Variants in CSMD1 observed in about 807,000 individuals in gnomAD.
CSMD1 encodes CUB and sushi domain-containing protein 1.
A neutral mutation model predicts 417.5 loss-of-function variants in CSMD1; 213 were observed. That is an observed-to-expected ratio of 0.51 (90% CI 0.46 to 0.57). The LOEUF is 0.57. CSMD1 is among the 20% of genes least tolerant of loss of function. The probability of loss-of-function intolerance (pLI) is 0.00; values close to 1 mark genes in which losing one functional copy is unlikely to be tolerated. For missense variants in CSMD1, 6,923 were observed against 4,529.7 expected (o/e 1.53, Z -15.17); for synonymous variants, 2,862 against 1,736.8 (o/e 1.65, Z -16.11).
intron 5 of CSMD1, among the ~76,000 whole-genome samples, chr8:3,945,677 G>T (rs1030663670): frequency 6.6e-6 from 1 of 152,010 alleles, no homozygotes; most frequent in African/African-American, 2.4e-5. Context: ...GTGAAATGAC[G>T]ACAGTCCAGA....
At chr8:4,030,315 C>G (rs1162146512) in intron 4 of CSMD1, among the ~76,000 whole-genome samples, 1 of 152,240 alleles carries the variant, frequency 6.6e-6, no homozygotes, top group Non-Finnish European at 1.5e-5. Flanking sequence ...AAACTTCTAT[C>G]TGGACATCTA....
At position 4,800,696 on chromosome 8, in the gene CSMD1, T is replaced by C. The variant is rs896334153; in HGVS notation, c.86-163138A>G. Among the ~76,000 whole-genome samples the C allele has an allele frequency of 2.0e-5, 3 of 152,146 alleles. No homozygotes were observed. The East Asian group carries it at 5.8e-4, about 30-fold the overall frequency. ...CCAGGTCAGCTACGTTGGGCTAAGT[T>C]CTGCAGCAACCCTCATTCCAGAGCT... On this transcript the variant is annotated intron_variant, in intron 1 of 69. Transcript: ENST00000635120.
chr8:4,905,485 C>G (rs990721141), intron 1 of CSMD1, among the ~76,000 whole-genome samples: 6 of 152,064 alleles, frequency 3.9e-5, no homozygotes, highest in African/African-American at 9.7e-5. Context: ...ACAGGACACA[C>G]ATTATTTCCA....
chr8:3,523,867 T>A (rs1365290550), intron 10 of CSMD1, among the ~76,000 whole-genome samples: 4 of 72,324 alleles, frequency 5.5e-5, no homozygotes, highest in East Asian at 4.3e-4. Flanking sequence ...ATGCACACAC[T>A]TACACATGCA....
chr8:3,172,818 AC>A (rs1430773482), intron 37 of CSMD1, among the ~76,000 whole-genome samples: 1 of 152,072 alleles, frequency 6.6e-6, no homozygotes, highest in East Asian at 1.9e-4. Context: ...TTCCATTGAA[AC>A]CCTTTCCCAC....
intron 4 of CSMD1, among the ~76,000 whole-genome samples, chr8:4,008,086 G>A (rs1448374370): frequency 6.6e-6 from 1 of 152,062 alleles, no homozygotes; most frequent in Non-Finnish European, 1.5e-5. Context: ...TTTTTTCTTT[G>A]TTTTTAAACT....
intron 3 of CSMD1, among the ~76,000 whole-genome samples, chr8:4,050,979 G>A (rs1470012061): frequency 1.3e-5 from 2 of 152,078 alleles, no homozygotes; most frequent in African/African-American, 4.8e-5. Flanking sequence ...TGCAGATGGA[G>A]GAGGAGTGAC....
intron 3 of CSMD1, among the ~76,000 whole-genome samples, chr8:4,042,721 A>G (rs1313563585): frequency 1.3e-5 from 2 of 151,250 alleles, no homozygotes; most frequent in East Asian, 3.9e-4. Flanking sequence ...TAGAAGTGAC[A>G]GAAATGACAG....
At position 3,856,501 on chromosome 8, in the gene CSMD1, C is replaced by T. The variant is rs946689685; in HGVS notation, c.819-102459G>A. Among the ~76,000 whole-genome samples, 9 of 152,196 alleles carry T rather than the reference C, an allele frequency of 5.9e-5. No individual in the cohort carries two copies. In the East Asian group the frequency reaches 9.6e-4, roughly 16 times the overall value. ...TCTTAATTGGTGAGGAGGAGAACTG[C>T]ATGAGGATCAAATGGAAATCACGTA... On this transcript the variant is annotated intron_variant, in intron 5 of 69. Coordinates refer to ENST00000635120, the MANE Select transcript of CSMD1 (RefSeq NM_033225.6).
rs549602507 is a variant in CSMD1, at chr8:4,327,378, G to T, written c.415+92575C>A. Among the ~76,000 whole-genome samples the T allele has an allele frequency of 2.2e-4, 33 of 152,234 alleles. 1 individual carries two copies. In the South Asian group the frequency reaches 6.4e-3, roughly 30 times the overall value. On this transcript the variant is annotated intron_variant, in intron 3 of 69. Coordinates refer to ENST00000635120, the MANE Select transcript of CSMD1 (RefSeq NM_033225.6). ...TTAAAAGAAAGGTTAATGAAAATGG[G>T]GAGACTCTGCTAATGTATTTCCTTG...
At chr8:3,946,614 G>A (rs1046493351) in intron 5 of CSMD1, among the ~76,000 whole-genome samples, 1 of 152,080 alleles carries the variant, frequency 6.6e-6, no homozygotes, top group Non-Finnish European at 1.5e-5. Context: ...GACTGGAATT[G>A]TGTTGATCCT....
At chr8:4,904,471 A>G (rs1409088358) in intron 1 of CSMD1, among the ~76,000 whole-genome samples, 1 of 152,240 alleles carries the variant, frequency 6.6e-6, no homozygotes. Flanking sequence ...TTCAAAGTCA[A>G]ACAGCTGGTA....
chr8:4,484,914 AG>A (rs1213705933), intron 2 of CSMD1, among the ~76,000 whole-genome samples: 1 of 134,180 alleles, frequency 7.5e-6, no homozygotes. Flanking sequence ...CAGAGGTTGC[AG>A]TGAGCCGAGA....
chr8:4,288,107 C>G (rs1272889242), intron 3 of CSMD1, among the ~76,000 whole-genome samples: 1 of 152,116 alleles, frequency 6.6e-6, no homozygotes, highest in Non-Finnish European at 1.5e-5. Flanking sequence ...ACTTATTTTG[C>G]TAGCCATGCT....
At chr8:4,115,461 T>C (rs1027534044) in intron 3 of CSMD1, among the ~76,000 whole-genome samples, 1 of 152,344 alleles carries the variant, frequency 6.6e-6, no homozygotes, top group African/African-American at 2.4e-5. Flanking sequence ...TGCCTGTGTT[T>C]TTATATATAA....
chr8:3,101,363 T>C (rs1290008631), intron 46 of CSMD1, among the ~76,000 whole-genome samples: 2 of 152,230 alleles, frequency 1.3e-5, no homozygotes, highest in East Asian at 3.9e-4. Flanking sequence ...CTGTGATGTC[T>C]CTTACTCAGG....
chr8:4,159,981 G>C (rs1027502478), intron 3 of CSMD1, among the ~76,000 whole-genome samples: 1 of 151,860 alleles, frequency 6.6e-6, no homozygotes, highest in Non-Finnish European at 1.5e-5. Flanking sequence ...CTACCAATTG[G>C]GTTCAATGTA....
rs74560175 is a variant in CSMD1, at chr8:3,555,622, A to G, written c.1344+19323T>C. On this transcript the variant is annotated intron_variant, in intron 10 of 69. Transcript: ENST00000635120. Reference sequence around the variant, plus strand: ...ATTCTACAGAACAAACTTATTTTACATATAAATTTAAAGTAAATATGGAAG... The same window carrying G: ...ATTCTACAGAACAAACTTATTTTACGTATAAATTTAAAGTAAATATGGAAG... 4.0e-3 allele frequency among the ~76,000 whole-genome samples: 613 copies of G among 152,330 alleles called. 5 individuals are homozygous for G. The highest frequency in any genetic ancestry group is 0.014 in the African/African-American group (595 of 41,566).
chr8:3,330,811 C>G (rs1434274649), intron 23 of CSMD1, among the ~76,000 whole-genome samples: 2 of 152,034 alleles, frequency 1.3e-5, no homozygotes, highest in Non-Finnish European at 2.9e-5. Context: ...TGTTGCTCTC[C>G]CATGGATATA....
Sources: gnomAD v4.1 joint callset for allele counts (sites outside exome capture counted in the v4.1 genomes callset) on GRCh38, gnomAD v4.1.1 for gene constraint, MANE v1.5 for transcripts, NCBI Gene and HGNC (gene_info 2026-07-23, HGNC 2026-07-21) for gene names.